Variants in ING4 observed in about 807,000 individuals in gnomAD.
ING4 encodes inhibitor of growth family member 4.
A neutral mutation model predicts 33.1 loss-of-function variants in ING4; 28 were observed. The observed-to-expected ratio is 0.85, with a 90% confidence interval of 0.63 to 1.16. ING4 has a LOEUF of 1.16. Among genes scored for constraint, ING4 ranks in the 50% most tolerant of loss-of-function variants. The pLI, the probability that ING4 is intolerant of heterozygous loss-of-function variation, is 0.00. For missense variants in ING4, 247 were observed against 314.7 expected (o/e 0.78, Z 1.63); for synonymous variants, 87 against 104.4 (o/e 0.83, Z 1.02).
chr12:6,651,251 G>T lies in ING4; in HGVS notation c.708-17C>A. On this transcript the variant is annotated splice_polypyrimidine_tract_variant and intron_variant, in intron 7 of 7. Coordinates refer to ENST00000341550, the MANE Select transcript of ING4 (RefSeq NM_016162.4). ...GGGCAAAACCTGAAACAGAGAAGGGGAGAGAAAAGTGAGTGAAAGGGAGAA... is the reference window on the plus strand; with the variant it reads ...GGGCAAAACCTGAAACAGAGAAGGGTAGAGAAAAGTGAGTGAAAGGGAGAA... 6.2e-7 allele frequency: 1 copy of T among 1,614,176 alleles called. No homozygotes were observed. The highest frequency in any genetic ancestry group is 8.5e-7 in the Non-Finnish European group (1 of 1,179,994).
In ING4 at chr12:6,653,293, G is replaced by C; in HGVS notation, c.213C>G (p.Ala71=). Residue 71 remains alanine, a synonymous_variant, in exon 3 of 8, where the codon GCC becomes GCG. Transcript: ENST00000341550. ...KLALLKQIQE[A]YGKCKEFGDD... ...CACCAAATTCCTTGCACTTGCCATAGGCTTCCTGGATCTGTTTGAGAAGGG... is the reference window on the plus strand; with the variant it reads ...CACCAAATTCCTTGCACTTGCCATACGCTTCCTGGATCTGTTTGAGAAGGG... 6.2e-7 allele frequency: 1 copy of C among 1,614,148 alleles called. No individual in the cohort carries two copies. The highest frequency in any genetic ancestry group is 2.2e-5 in the East Asian group (1 of 44,874).
intron 5 of ING4, 94 bp downstream of exon 5, chr12:6,652,568 C>A (rs984674817): frequency 7.2e-7 from 1 of 1,387,298 alleles, no homozygotes; most frequent in Non-Finnish European, 1.0e-6. Flanking sequence ...TTGGCGCAGA[C>A]ATATAGAAAG....
At chr12:6,659,971 AT>A (rs1290551996) in intron 1 of ING4, among the ~76,000 whole-genome samples, 1 of 152,184 alleles carries the variant, frequency 6.6e-6, no homozygotes, top group Non-Finnish European at 1.5e-5. Context: ...ATTAAAAAAA[AT>A]AATGTGTAAT....
intron 2 of ING4, 64 bp from the exon 3 acceptor site, chr12:6,653,460 C>G (rs953479747): frequency 1.3e-6 from 2 of 1,481,834 alleles, no homozygotes; most frequent in African/African-American, 2.8e-5. Context: ...CACATTTCTT[C>G]CTTTTGTTCT....
In ING4 at chr12:6,651,134, CT is replaced by C; in HGVS notation, c.*60del. The C allele has an allele frequency of 6.3e-7, 1 of 1,583,058 alleles. No homozygotes were observed. Among genetic ancestry groups the C allele is most frequent in the Non-Finnish European group, 8.7e-7 (1 of 1,152,208 alleles). On this transcript the variant is annotated 3_prime_UTR_variant, in exon 8 of 8. Transcript: ENST00000341550. The stretch of plus-strand genomic sequence containing the variant: ...CCCTGGCCCCAGCACAGGCATTCCT[CT>C]GCCCACTAGCCCAAGTCAGGGGATG...
At chr12:6,652,160 C>T in intron 6 of ING4, 111 bp downstream of exon 6, 1 of 1,307,102 alleles carries the variant, frequency 7.7e-7, no homozygotes, top group South Asian at 1.4e-5. Flanking sequence ...ACGTCCAGCC[C>T]ATCTTTCTTC....
chr12:6,655,686 G>T, intron 2 of ING4: 1 of 901,984 alleles, frequency 1.1e-6, no homozygotes, highest in Non-Finnish European at 1.4e-6. Flanking sequence ...TTTTGATGAT[G>T]TTCACCTTTT....
chr12:6,658,117 A>T (rs1243685497), intron 1 of ING4, among the ~76,000 whole-genome samples: 5 of 150,540 alleles, frequency 3.3e-5, no homozygotes, highest in Non-Finnish European at 7.4e-5. Flanking sequence ...GCGCCACCAC[A>T]CCCGACTAAT....
At chr12:6,653,663 C>A (rs1252417035) in intron 2 of ING4, among the ~76,000 whole-genome samples, 5 of 152,160 alleles carry the variant, frequency 3.3e-5, no homozygotes, top group Admixed American at 6.6e-5. Context: ...CCTTTGCACA[C>A]CACATTAATA....
intron 1 of ING4, among the ~76,000 whole-genome samples, chr12:6,658,435 C>T (rs927919776): frequency 6.6e-6 from 1 of 151,882 alleles, no homozygotes; most frequent in Non-Finnish European, 1.5e-5. Context: ...CCTGTAATCC[C>T]AGCACTTTGG....
rs764230556 is a variant in ING4, at chr12:6,653,430, C to T, written c.110-34G>A. On this transcript the variant is annotated intron_variant, in intron 2 of 7. Transcript: ENST00000341550. ...GAGACAGAGGCCTGGTCACAATGGC[C>T]CCTGAGTGGCTAGGTGAAACACATT... The T allele has an allele frequency of 4.1e-5, 65 of 1,594,394 alleles. No individual in the cohort carries two copies. In the Middle Eastern group the frequency reaches 6.7e-4, roughly 16 times the overall value.
chr12:6,652,141 AG>A lies in ING4; in HGVS notation c.645+129del, dbSNP rs1949202505. 3 of 1,162,542 alleles carry A rather than the reference AG, an allele frequency of 2.6e-6. No homozygotes were observed. In the South Asian group the frequency reaches 4.7e-5, roughly 18 times the overall value. 72.0% of individuals were successfully genotyped at this position (1,162,542 alleles called of 1,614,324 possible). A position where few individuals can be genotyped will look rare whatever the true frequency, so the allele number is the denominator to read the frequency against. ...TCCCAAAGTGCTGGGATTTCAGGCAAGAGCTACTACGTCCAGCCCATCTTTC... is the reference window on the plus strand; with the variant it reads ...TCCCAAAGTGCTGGGATTTCAGGCAAAGCTACTACGTCCAGCCCATCTTTC... On this transcript the variant is annotated intron_variant, in intron 6 of 7. Transcript: ENST00000341550.
intron 2 of ING4, chr12:6,655,958 T>G (rs372047897): frequency 4.4e-6 from 2 of 451,334 alleles, no homozygotes; most frequent in East Asian, 1.4e-4. Context: ...AATTACTGCT[T>G]TTTTTTCTTT....
In ING4 at chr12:6,650,935, A is replaced by G; in HGVS notation, c.*260T>C. 1.8e-6 allele frequency: 1 copy of G among 559,328 alleles called. No individual in the cohort carries two copies. 34.6% of individuals were successfully genotyped at this position (559,328 alleles called of 1,614,324 possible). A position where few individuals can be genotyped will look rare whatever the true frequency, so the allele number is the denominator to read the frequency against. ...CAGCACCGACCTCAGCATGGAGGCAAAAGGACAGTGGGCAAGACCACGTCC... is the reference window on the plus strand; with the variant it reads ...CAGCACCGACCTCAGCATGGAGGCAGAAGGACAGTGGGCAAGACCACGTCC... On this transcript the variant is annotated 3_prime_UTR_variant, in exon 8 of 8. Transcript: ENST00000341550.
At chr12:6,659,957 A>C (rs1274224173) in intron 1 of ING4, among the ~76,000 whole-genome samples, 2 of 152,174 alleles carry the variant, frequency 1.3e-5, no homozygotes, top group Non-Finnish European at 2.9e-5. Context: ...CAAAAAACAA[A>C]AAAATTAAAA....
At chr12:6,651,584 C>T (rs867697799) in intron 6 of ING4, among the ~76,000 whole-genome samples, 199 bp from the exon 7 acceptor site, 2 of 152,160 alleles carry the variant, frequency 1.3e-5, no homozygotes, top group Admixed American at 6.6e-5. Context: ...CTCTGTTGCC[C>T]AGGCTGGAAT....
chr12:6,651,388 G>A lies in ING4; in HGVS notation c.646-3C>T, dbSNP rs762113084. 6.3e-5 allele frequency: 102 copies of A among 1,613,752 alleles called. No individual in the cohort carries two copies. Among genetic ancestry groups the A allele is most frequent in the Non-Finnish European group, 2.1e-5 (25 of 1,179,708 alleles). ...AAATGGAACCACTCAATGGAACACT[G>A]GAAGAGGAAGAAAGAAGTAGTCAGG... On this transcript the variant is annotated splice_region_variant and splice_polypyrimidine_tract_variant and intron_variant, in intron 6 of 7. Coordinates refer to ENST00000341550, the MANE Select transcript of ING4 (RefSeq NM_016162.4).
intron 1 of ING4, among the ~76,000 whole-genome samples, chr12:6,660,949 C>T (rs1259307993): frequency 1.3e-5 from 2 of 151,836 alleles, no homozygotes; most frequent in East Asian, 2.0e-4. Context: ...TCTGCCACCA[C>T]GCCCAGCTAA....
At chr12:6,654,726 A>G (rs548245441) in intron 2 of ING4, among the ~76,000 whole-genome samples, 5 of 151,208 alleles carry the variant, frequency 3.3e-5, no homozygotes, top group Admixed American at 3.3e-4. Flanking sequence ...ATTGCTCCAA[A>G]CACGTTTTTT....
Sources: gnomAD v4.1 joint callset for allele counts (sites outside exome capture counted in the v4.1 genomes callset) on GRCh38, gnomAD v4.1.1 for gene constraint, MANE v1.5 for transcripts, NCBI Gene and HGNC (gene_info 2026-07-23, HGNC 2026-07-21) for gene names.